Variants in GRM5 observed in about 807,000 individuals in gnomAD.
GRM5 encodes glutamate metabotropic receptor 5.
GRM5 carries 19 observed loss-of-function variants against 83.1 expected under a neutral mutation model. That is an observed-to-expected ratio of 0.23 (90% confidence interval 0.16 to 0.34). The LOEUF is 0.34. Ranked by LOEUF, GRM5 falls within the 10% of genes least tolerant of loss-of-function variation. GRM5 has a pLI of 1.00. For synonymous variants in GRM5, 675 were observed against 633.6 expected, an observed-to-expected ratio of 1.07 and a Z score of -0.98; for missense variants, 1,160 against 1,588.3, an observed-to-expected ratio of 0.73 and a Z score of 4.58.
At chr11:88,696,424 C>G (rs1009345669) in intron 3 of GRM5, among the ~76,000 whole-genome samples, 1 of 152,116 alleles carries the variant, frequency 6.6e-6, no homozygotes, top group African/African-American at 2.4e-5. Flanking sequence ...GTCTGTGGAG[C>G]CTTTGTCAGG....
intron 4 of GRM5, among the ~76,000 whole-genome samples, chr11:88,618,519 A>G (rs1309849628): frequency 6.6e-6 from 1 of 152,136 alleles, no homozygotes; most frequent in Non-Finnish European, 1.5e-5. Flanking sequence ...CATTGATTAA[A>G]AAGACATTTA....
chr11:88,975,419 G>A (rs1404975308), intron 2 of GRM5, among the ~76,000 whole-genome samples: 1 of 152,134 alleles, frequency 6.6e-6, no homozygotes, highest in Non-Finnish European at 1.5e-5. Context: ...CAGATTTTCA[G>A]GTCCTATTTC....
chr11:88,906,568 A>G (rs535524810), intron 2 of GRM5, among the ~76,000 whole-genome samples: 100 of 152,292 alleles, frequency 6.6e-4, no homozygotes, highest in Middle Eastern at 3.4e-3. Flanking sequence ...CATTTCTATG[A>G]TAAATAGATG....
intron 2 of GRM5, among the ~76,000 whole-genome samples, chr11:88,893,748 G>A (rs1945185083): frequency 2.0e-5 from 3 of 151,844 alleles, no homozygotes; most frequent in Non-Finnish European, 2.9e-5. Flanking sequence ...CCCTTAGATC[G>A]AACCAAGAGG....
chr11:88,552,652 A>T (rs1256687012), intron 8 of GRM5, among the ~76,000 whole-genome samples: 4 of 152,102 alleles, frequency 2.6e-5, no homozygotes, highest in Non-Finnish European at 4.4e-5. Context: ...ACTGCTGGGG[A>T]CCAGGTTAGG....
At chr11:88,881,972 T>G (rs945805042) in intron 2 of GRM5, among the ~76,000 whole-genome samples, 2 of 152,184 alleles carry the variant, frequency 1.3e-5, no homozygotes, top group African/African-American at 4.8e-5. Context: ...CTGGGCACGT[T>G]GGCTCACACC....
At chr11:89,052,121 T>G (rs1298244903) in intron 1 of GRM5, among the ~76,000 whole-genome samples, 1 of 152,208 alleles carries the variant, frequency 6.6e-6, no homozygotes, top group African/African-American at 2.4e-5. Context: ...ATTAATGATC[T>G]TCTTTTGCAA....
intron 2 of GRM5, among the ~76,000 whole-genome samples, chr11:89,012,474 C>A (rs1940729315): frequency 6.6e-6 from 1 of 152,038 alleles, no homozygotes; most frequent in Admixed American, 6.6e-5. Context: ...ATTTGGTCAT[C>A]TTTATTGTTG....
intron 6 of GRM5, among the ~76,000 whole-genome samples, chr11:88,594,340 C>CT (rs1285729533): frequency 1.3e-5 from 2 of 151,912 alleles, no homozygotes; most frequent in South Asian, 2.1e-4. Flanking sequence ...TGTTAGCAAA[C>CT]TTTTTTTTGT....
chr11:88,909,334 G>T (rs533781599), intron 2 of GRM5, among the ~76,000 whole-genome samples: 1 of 151,938 alleles, frequency 6.6e-6, no homozygotes, highest in African/African-American at 2.4e-5. Context: ...ATACTTCCTC[G>T]CTCAAAGTGG....
intron 8 of GRM5, among the ~76,000 whole-genome samples, chr11:88,536,542 C>T (rs1265064317): frequency 6.6e-6 from 1 of 152,118 alleles, no homozygotes; most frequent in African/African-American, 2.4e-5. Flanking sequence ...GTTATTGTAT[C>T]CACTCCCCCT....
At chr11:88,756,996 A>G (rs1312200544) in intron 3 of GRM5, among the ~76,000 whole-genome samples, 1 of 152,178 alleles carries the variant, frequency 6.6e-6, no homozygotes, top group Admixed American at 6.5e-5. Flanking sequence ...TTAAAATCAA[A>G]CTTTTTAAAG....
intron 4 of GRM5, among the ~76,000 whole-genome samples, chr11:88,609,518 C>T (rs1038171041): frequency 6.6e-6 from 1 of 152,126 alleles, no homozygotes; most frequent in African/African-American, 2.4e-5. Flanking sequence ...GTGCTTTTCT[C>T]TTGGGTATAC....
chr11:88,544,893 T>C (rs1312896228), intron 8 of GRM5, among the ~76,000 whole-genome samples: 14 of 152,308 alleles, frequency 9.2e-5, no homozygotes, highest in African/African-American at 3.4e-4. Context: ...AGTTTGCACA[T>C]TATATTAAGG....
intron 7 of GRM5, among the ~76,000 whole-genome samples, chr11:88,577,655 T>A (rs1943140794): frequency 6.6e-6 from 1 of 152,258 alleles, no homozygotes; most frequent in South Asian, 2.1e-4. Flanking sequence ...ATTTCATCTA[T>A]TTTCAGTTAA....
At chr11:88,551,355 G>T (rs1053692298) in intron 8 of GRM5, among the ~76,000 whole-genome samples, 9 of 152,158 alleles carry the variant, frequency 5.9e-5, no homozygotes, top group Non-Finnish European at 1.2e-4. Context: ...TGCAAAAACA[G>T]TCTGACTTCA....
intron 4 of GRM5, among the ~76,000 whole-genome samples, chr11:88,612,125 A>G (rs1224327845): frequency 2.0e-5 from 1 of 49,410 alleles, no homozygotes; most frequent in Non-Finnish European, 3.8e-5. Flanking sequence ...CCCTCCCCCC[A>G]TCCCACCACA....
intron 8 of GRM5, among the ~76,000 whole-genome samples, chr11:88,556,543 A>T (rs1942632754): frequency 6.6e-6 from 1 of 151,868 alleles, no homozygotes; most frequent in Non-Finnish European, 1.5e-5. Context: ...GGCTGGTCTT[A>T]AACTCCTGAC....
chr11:88,875,952 G>T (rs1350487197), intron 2 of GRM5, among the ~76,000 whole-genome samples: 2 of 152,000 alleles, frequency 1.3e-5, no homozygotes, highest in Non-Finnish European at 2.9e-5. Context: ...TAAGGGCCTT[G>T]GGGTTTTTGG....
Sources: allele counts gnomAD v4.1 joint callset (sites outside exome capture counted in the v4.1 genomes callset), GRCh38; gene constraint gnomAD v4.1.1; transcripts MANE v1.5; gene names NCBI Gene and HGNC (gene_info 2026-07-23, HGNC 2026-07-21).